The following SCFD2 variants were observed in gnomAD, a reference collection of about 807,000 sequenced individuals.
SCFD2 encodes sec1 family domain-containing protein 2.
In SCFD2, 54 loss-of-function variants were observed where a neutral mutation model predicts 58.9. That is an observed-to-expected ratio of 0.92 (90% CI 0.74 to 1.15). The LOEUF (loss-of-function observed/expected upper bound fraction) is 1.15. SCFD2 is among the 50% of genes most tolerant of loss of function. The pLI, the probability that SCFD2 is intolerant of heterozygous loss-of-function variation, is 0.00. For missense variants in SCFD2, 805 were observed against 836.6 expected (o/e 0.96, Z 0.47); for synonymous variants, 321 against 335.9 (o/e 0.96, Z 0.49).
intron 4 of SCFD2, among the ~76,000 whole-genome samples, chr4:53,247,686 C>T (rs1013713525): frequency 2.7e-5 from 4 of 150,650 alleles, no homozygotes; most frequent in African/African-American, 2.4e-5. Flanking sequence ...GGTGAAACCC[C>T]GTCTCTACTA....
intron 3 of SCFD2, among the ~76,000 whole-genome samples, chr4:53,286,325 G>A (rs1731668338): frequency 6.6e-6 from 1 of 152,060 alleles, no homozygotes; most frequent in Non-Finnish European, 1.5e-5. Flanking sequence ...GCACCCTGGT[G>A]CCTAAGCTGA....
At chr4:53,177,220 TA>T (rs1325885308) in intron 4 of SCFD2, among the ~76,000 whole-genome samples, 1 of 152,150 alleles carries the variant, frequency 6.6e-6, no homozygotes, top group East Asian at 1.9e-4. Context: ...TAGTGGGGGA[TA>T]GAATCATATA....
chr4:52,916,606 T>C (rs768032793), intron 6 of SCFD2, among the ~76,000 whole-genome samples: 9 of 152,060 alleles, frequency 5.9e-5, no homozygotes, highest in Non-Finnish European at 1.2e-4. Context: ...GAAAAAACAC[T>C]TTCTGCACAG....
At chr4:53,247,490 A>T (rs1356889086) in intron 4 of SCFD2, among the ~76,000 whole-genome samples, 1 of 152,238 alleles carries the variant, frequency 6.6e-6, no homozygotes, top group African/African-American at 2.4e-5. Context: ...GAATCAATCC[A>T]AATGCCCATC....
At chr4:53,238,300 T>TGG (rs60080819) in intron 4 of SCFD2, among the ~76,000 whole-genome samples, 1 of 95,026 alleles carries the variant, frequency 1.1e-5, no homozygotes, top group South Asian at 4.3e-4. Flanking sequence ...GCTGGCCGGG[T>TGG]GGGGGCTGAC....
intron 4 of SCFD2, among the ~76,000 whole-genome samples, chr4:53,229,992 A>G (rs1324445826): frequency 6.6e-6 from 1 of 152,248 alleles, no homozygotes; most frequent in African/African-American, 2.4e-5. Context: ...AAAAGAAGAC[A>G]TTTATGCAGC....
chr4:52,900,614 C>T (rs994747509), intron 7 of SCFD2, among the ~76,000 whole-genome samples: 11 of 152,326 alleles, frequency 7.2e-5, no homozygotes, highest in Non-Finnish European at 1.5e-4. Flanking sequence ...AGGCATTCTG[C>T]CGGTTCTCAG....
At chr4:52,991,440 CA>C (rs987915046) in intron 5 of SCFD2, among the ~76,000 whole-genome samples, 1 of 152,124 alleles carries the variant, frequency 6.6e-6, no homozygotes, top group African/African-American at 2.4e-5. Context: ...GATTGGGGTT[CA>C]GGGGAGAACC....
intron 4 of SCFD2, among the ~76,000 whole-genome samples, chr4:53,247,855 G>A (rs533456980): frequency 2.4e-3 from 222 of 91,738 alleles, no homozygotes; most frequent in Middle Eastern, 0.011. Context: ...GCAACAGAGC[G>A]AGACTCCGTC....
chr4:53,177,580 C>T (rs183764314), intron 4 of SCFD2, among the ~76,000 whole-genome samples: 4 of 152,168 alleles, frequency 2.6e-5, no homozygotes, highest in Admixed American at 1.3e-4. Flanking sequence ...CAGCTCCCAG[C>T]GTGAGCAATG....
intron 5 of SCFD2, among the ~76,000 whole-genome samples, chr4:53,027,591 G>A (rs1375425788): frequency 6.6e-6 from 1 of 152,218 alleles, no homozygotes; most frequent in Admixed American, 6.5e-5. Context: ...ATGTTGGGAG[G>A]CCAAGGCAGG....
chr4:53,043,069 T>G (rs1722939461), intron 5 of SCFD2, among the ~76,000 whole-genome samples: 1 of 152,198 alleles, frequency 6.6e-6, no homozygotes, highest in South Asian at 2.1e-4. Context: ...CGGCAGTGGG[T>G]TCAGCTACCA....
chr4:53,035,313 C>CA (rs2148821048), intron 5 of SCFD2, among the ~76,000 whole-genome samples: 1 of 152,256 alleles, frequency 6.6e-6, no homozygotes, highest in Non-Finnish European at 1.5e-5. Flanking sequence ...AAACCTTAAG[C>CA]AAAAATTAAC....
At chr4:52,954,132 C>A (rs930490049) in intron 5 of SCFD2, among the ~76,000 whole-genome samples, 3 of 152,192 alleles carry the variant, frequency 2.0e-5, no homozygotes, top group African/African-American at 7.2e-5. Flanking sequence ...GCCATCTAAG[C>A]ATGAGCTGCT....
At chr4:52,939,634 T>A (rs1720238521) in intron 5 of SCFD2, among the ~76,000 whole-genome samples, 1 of 151,080 alleles carries the variant, frequency 6.6e-6, no homozygotes, top group African/African-American at 2.4e-5. Context: ...AACAGACAAG[T>A]AAAGTGGTAA....
intron 5 of SCFD2, among the ~76,000 whole-genome samples, chr4:53,100,959 C>T (rs2148875259): frequency 6.6e-6 from 1 of 152,060 alleles, no homozygotes; most frequent in Non-Finnish European, 1.5e-5. Flanking sequence ...TCATGCAAAC[C>T]CACAGTTGAG....
intron 5 of SCFD2, among the ~76,000 whole-genome samples, chr4:52,930,159 A>G (rs1719955949): frequency 6.6e-6 from 1 of 152,192 alleles, no homozygotes; most frequent in Admixed American, 6.5e-5. Context: ...AGACAGACAC[A>G]TAGACCAATG....
chr4:53,241,030 G>A (rs1340501523), intron 4 of SCFD2, among the ~76,000 whole-genome samples: 6 of 152,316 alleles, frequency 3.9e-5, no homozygotes, highest in African/African-American at 7.2e-5. Flanking sequence ...GAAGGGGAAG[G>A]AAGCTGGGAA....
intron 5 of SCFD2, among the ~76,000 whole-genome samples, chr4:52,979,056 GC>G (rs1227254084): frequency 7.9e-6 from 1 of 126,254 alleles, no homozygotes; most frequent in Non-Finnish European, 1.8e-5. Context: ...AACACACCAG[GC>G]CTTTTTTTGG....
Sources: allele counts gnomAD v4.1 joint callset (sites outside exome capture counted in the v4.1 genomes callset), GRCh38; gene constraint gnomAD v4.1.1; transcripts MANE v1.5; gene names NCBI Gene and HGNC (gene_info 2026-07-23, HGNC 2026-07-21).